TPST2: variants seen among roughly 807,000 people sequenced by gnomAD.
The protein encoded by TPST2 is tyrosylprotein sulfotransferase 2.
TPST2 carries 16 observed loss-of-function variants against 27.8 expected under a neutral mutation model. The observed-to-expected ratio is 0.58, with a 90% confidence interval of 0.39 to 0.88. TPST2 has a LOEUF of 0.88. Ranked by LOEUF, TPST2 falls within the 40% of genes least tolerant of loss-of-function variation. The pLI, the probability that TPST2 is intolerant of heterozygous loss-of-function variation, is 0.00. For missense variants in TPST2, 464 were observed against 543.1 expected, an observed-to-expected ratio of 0.85 and a Z score of 1.45; for synonymous variants, 229 against 231.7, an observed-to-expected ratio of 0.99 and a Z score of 0.10.
intron 4 of TPST2, among the ~76,000 whole-genome samples, chr22:26,535,571 G>A (rs767768033): frequency 1.3e-5 from 2 of 152,206 alleles, no homozygotes; most frequent in Non-Finnish European, 2.9e-5. Flanking sequence ...TTACGGCCAG[G>A]AGTTCTAGAC....
In TPST2 at chr22:26,540,964, C is replaced by T. The variant is rs750127856; in HGVS notation, c.667G>A (p.Ala223Thr). The T allele has an allele frequency of 8.7e-6, 14 of 1,614,044 alleles. No individual in the cohort carries two copies. The highest frequency in any genetic ancestry group is 5.5e-5 in the South Asian group (5 of 91,086). The change falls in exon 3 of 7, where the codon GCC becomes ACC. Residue 223 changes from alanine (A) to threonine (T), a missense_variant. Transcript: ENST00000338754. ...KWNKAIEVMYAQCMEVGKEKC... is the reference protein window; with the variant it reads ...KWNKAIEVMYTQCMEVGKEKC... ...TCCTTGCCTACCTCCATGCACTGGG[C>T]GTACATCACCTCGATGGCCTTGTTC...
rs1924615937 is a variant in TPST2, at chr22:26,522,681, C to G, written c.*3594G>C. 6.6e-6 allele frequency: 1 copy of G among 152,260 alleles called. No homozygotes were observed. The highest frequency in any genetic ancestry group is 2.4e-5 in the African/African-American group (1 of 41,458). 9.4% of individuals were successfully genotyped at this position (152,260 alleles called of 1,614,324 possible). A position where few individuals can be genotyped will look rare whatever the true frequency, so the allele number is the denominator to read the frequency against. On this transcript the variant is annotated 3_prime_UTR_variant, in exon 7 of 7. Transcript: ENST00000338754. ...TGCCAGTAGCGATGAAAACTGCTAA[C>G]AGCCTAAGGGCCTAGCCAAAGTGGA...
intron 1 of TPST2, among the ~76,000 whole-genome samples, chr22:26,572,889 C>T (rs1314677169): frequency 2.0e-5 from 3 of 152,002 alleles, no homozygotes; most frequent in Admixed American, 6.6e-5. Flanking sequence ...TAAGTTTCCT[C>T]AGATATCAGG....
chr22:26,568,045 TTCTACTGCTGATTATACA>T (rs1927444206), intron 1 of TPST2, among the ~76,000 whole-genome samples: 1 of 152,196 alleles, frequency 6.6e-6, no homozygotes, highest in Non-Finnish European at 1.5e-5. Context: ...AACCCAGCAT[TTCTACTGCTGATTATACA>T]TCCATGAGAA....
At chr22:26,545,042 C>T (rs558388354) in intron 1 of TPST2, among the ~76,000 whole-genome samples, 1 of 152,260 alleles carries the variant, frequency 6.6e-6, no homozygotes, top group South Asian at 2.1e-4. Context: ...CAACAACCAC[C>T]ACTACACACC....
chr22:26,525,688 T>C lies in TPST2; in HGVS notation c.*587A>G, dbSNP rs1370285389. On this transcript the variant is annotated 3_prime_UTR_variant, in exon 7 of 7. Transcript: ENST00000338754. ...CATGCACCTATATTCTCCAGCTTTTTGCTCATCACAAATCTACCTGACAAA... is the reference window on the plus strand; with the variant it reads ...CATGCACCTATATTCTCCAGCTTTTCGCTCATCACAAATCTACCTGACAAA... The C allele has an allele frequency of 6.6e-6, 1 of 152,348 alleles. No homozygotes were observed. The highest frequency in any genetic ancestry group is 1.5e-5 in the Non-Finnish European group (1 of 68,032). The allele number at this position is 152,348 out of a possible 1,614,324, so 9.4% of individuals were successfully genotyped here.
At chr22:26,585,698 T>A (rs4822745) in intron 1 of TPST2, among the ~76,000 whole-genome samples, 3 of 151,978 alleles carry the variant, frequency 2.0e-5, no homozygotes, top group Non-Finnish European at 4.4e-5. Flanking sequence ...AACCCCAGGC[T>A]GTGAAGCTAC....
chr22:26,554,402 G>A (rs868684107), intron 1 of TPST2, among the ~76,000 whole-genome samples: 3 of 152,146 alleles, frequency 2.0e-5, no homozygotes, highest in Non-Finnish European at 2.9e-5. Flanking sequence ...AAGGGCCAGC[G>A]TGATCTTGTA....
intron 1 of TPST2, among the ~76,000 whole-genome samples, chr22:26,578,505 C>A (rs1191245305): frequency 6.6e-6 from 1 of 152,204 alleles, no homozygotes. Flanking sequence ...TGACCACGCT[C>A]TGCGATCCTC....
intron 1 of TPST2, among the ~76,000 whole-genome samples, chr22:26,572,868 T>C (rs1927684447): frequency 6.6e-6 from 1 of 152,208 alleles, no homozygotes. Flanking sequence ...TCAGGTCATT[T>C]TGCTCATCAA....
At position 26,532,678 on chromosome 22, in the gene TPST2, C is replaced by G. The variant is rs1159150566; in HGVS notation, c.1092+17G>C. On this transcript the variant is annotated intron_variant, in intron 5 of 6. Transcript: ENST00000338754. Reference sequence around the variant, plus strand: ...CTGAGAAAGACAGAATTCGGAATTCCCCTTGGGGTTTCTAACCTGAAAATA... The same window carrying G: ...CTGAGAAAGACAGAATTCGGAATTCGCCTTGGGGTTTCTAACCTGAAAATA... The G allele has an allele frequency of 6.2e-7, 1 of 1,613,580 alleles. No homozygotes were observed. The highest frequency in any genetic ancestry group is 2.2e-5 in the East Asian group (1 of 44,882).
chr22:26,558,881 AG>A, intron 1 of TPST2, among the ~76,000 whole-genome samples: 1 of 152,262 alleles, frequency 6.6e-6, no homozygotes, highest in East Asian at 1.9e-4. Flanking sequence ...GTGTTTAAAT[AG>A]GACAAGTGAT....
intron 3 of TPST2, among the ~76,000 whole-genome samples, chr22:26,538,485 G>A (rs765991689): frequency 7.2e-5 from 11 of 152,218 alleles, no homozygotes; most frequent in Non-Finnish European, 7.3e-5. Context: ...ATGTGAAGTC[G>A]AATATGGCAA....
At chr22:26,544,552 G>A (rs541748829) in intron 2 of TPST2, 52 bp downstream of exon 2, 22 of 959,320 alleles carry the variant, frequency 2.3e-5, no homozygotes, top group East Asian at 2.3e-4. Context: ...TTTGGAGGGC[G>A]GTCTCAGGAG....
intron 3 of TPST2, among the ~76,000 whole-genome samples, chr22:26,537,759 T>C (rs1016250132): frequency 2.0e-5 from 3 of 152,016 alleles, no homozygotes; most frequent in African/African-American, 4.8e-5. Flanking sequence ...GGCCAACACA[T>C]TGTAAATTTT....
At position 26,554,497 on chromosome 22, in the gene TPST2, G is replaced by C. The variant is rs549706448; in HGVS notation, c.-160-9822C>G. Reference sequence around the variant, plus strand: ...CTGTCCAGAAGCTGTCAGAGGTAGGGGACTGAGCATAGGGGCAGGAATCCT... The same window carrying C: ...CTGTCCAGAAGCTGTCAGAGGTAGGCGACTGAGCATAGGGGCAGGAATCCT... On this transcript the variant is annotated intron_variant, in intron 1 of 6. Coordinates refer to ENST00000338754, the MANE Select transcript of TPST2 (RefSeq NM_003595.5). 7.2e-5 allele frequency among the ~76,000 whole-genome samples: 11 copies of C among 152,316 alleles called. No individual in the cohort carries two copies. In the South Asian group the frequency reaches 1.2e-3, roughly 17 times the overall value.
intron 1 of TPST2, among the ~76,000 whole-genome samples, chr22:26,558,597 T>C (rs543429711): frequency 3.9e-5 from 6 of 152,276 alleles, no homozygotes; most frequent in Admixed American, 1.3e-4. Context: ...AGACAAATCA[T>C]AGCTTCTCTT....
At chr22:26,585,319 C>T (rs1206660423) in intron 1 of TPST2, among the ~76,000 whole-genome samples, 2 of 146,922 alleles carry the variant, frequency 1.4e-5, no homozygotes, top group African/African-American at 5.1e-5. Flanking sequence ...CCTGGGCCAT[C>T]AGCCCCAGAC....
chr22:26,584,045 G>T (rs1287852616), intron 1 of TPST2, among the ~76,000 whole-genome samples: 3 of 152,226 alleles, frequency 2.0e-5, no homozygotes, highest in Non-Finnish European at 4.4e-5. Context: ...GTTTCCAAGA[G>T]AAATGAGAAA....
Sources: allele counts gnomAD v4.1 joint callset (sites outside exome capture counted in the v4.1 genomes callset), GRCh38; gene constraint gnomAD v4.1.1; transcripts MANE v1.5; gene names NCBI Gene and HGNC (gene_info 2026-07-23, HGNC 2026-07-21).